MED15: variants seen among roughly 807,000 people sequenced by gnomAD.
The protein encoded by MED15 is mediator of RNA polymerase II transcription subunit 15.
Under a neutral mutation model 118.7 loss-of-function variants are expected in MED15, and 41 were observed. The ratio of observed to expected loss-of-function variants is 0.35; its 90% CI spans 0.27 to 0.45. The LOEUF (loss-of-function observed/expected upper bound fraction) is 0.45, where lower values mean the gene tolerates loss of function less well. MED15 is among the 20% of genes least tolerant of loss of function. The probability of loss-of-function intolerance (pLI) is 1.00; values close to 1 mark genes in which losing one functional copy is unlikely to be tolerated. For missense variants in MED15, 740 were observed against 1,025.5 expected (o/e 0.72, Z 3.80); for synonymous variants, 436 against 413.9 (o/e 1.05, Z -0.65).
At chr22:20,556,414 G>T (rs1261944382) in intron 5 of MED15, among the ~76,000 whole-genome samples, 2 of 150,932 alleles carry the variant, frequency 1.3e-5, no homozygotes, top group Non-Finnish European at 2.9e-5. Flanking sequence ...CAGTTCTCTT[G>T]CCTCAGCCTC....
intron 8 of MED15, among the ~76,000 whole-genome samples, chr22:20,573,377 A>C (rs563651058): frequency 3.3e-5 from 5 of 152,356 alleles, no homozygotes; most frequent in Non-Finnish European, 5.9e-5. Flanking sequence ...TATCCAAGAC[A>C]GACTCCCATT....
Position 20,507,765 on chromosome 22 carries a change from AGGGGGCT to A in MED15, c.68+22_68+28del, listed in dbSNP as rs1410598815. 1 of 1,613,824 alleles carries A rather than the reference AGGGGGCT, an allele frequency of 6.2e-7. No individual in the cohort carries two copies. The highest frequency in any genetic ancestry group is 1.1e-5 in the South Asian group (1 of 91,082). On this transcript the variant is annotated intron_variant, in intron 1 of 17. Coordinates refer to ENST00000263205, the MANE Select transcript of MED15 (RefSeq NM_001003891.3). ...GTCAAATGTGAGTAGTGGTCGGGGC[AGGGGGCT>A]GGATTGTGGGACCTTCCTCCTTAGC... is the stretch of plus-strand genomic sequence containing the variant.
chr22:20,584,828 T>G, intron 14 of MED15, 27 bp from the exon 15 acceptor site: 1 of 1,609,106 alleles, frequency 6.2e-7, no homozygotes, highest in Non-Finnish European at 8.5e-7. Context: ...GGTCCCGGGC[T>G]GCTGACCGTG....
intron 8 of MED15, among the ~76,000 whole-genome samples, chr22:20,573,320 C>A (rs2056725882): frequency 6.6e-6 from 1 of 152,196 alleles, no homozygotes; most frequent in Non-Finnish European, 1.5e-5. Flanking sequence ...ACGTTCTATT[C>A]TTTTAGTATG....
intron 2 of MED15, among the ~76,000 whole-genome samples, chr22:20,539,805 A>G (rs911827691): frequency 6.6e-6 from 1 of 152,132 alleles, no homozygotes; most frequent in Non-Finnish European, 1.5e-5. Flanking sequence ...TTTGATCTGC[A>G]TTTGCCTAGT....
intron 4 of MED15, 103 bp from the exon 5 acceptor site, chr22:20,554,833 C>T (rs763012940): frequency 1.1e-4 from 130 of 1,159,076 alleles, no homozygotes; most frequent in Non-Finnish European, 1.5e-4. Flanking sequence ...GGGATTGAGC[C>T]TGTAGGTAGG....
Position 20,523,314 on chromosome 22 carries a change from A to G in MED15, c.69-13803A>G, listed in dbSNP as rs191068012. Among the ~76,000 whole-genome samples the G allele has an allele frequency of 6.2e-3, 949 of 152,054 alleles. 10 individuals carry two copies. Among genetic ancestry groups the G allele is most frequent in the African/African-American group, 0.021 (886 of 41,446 alleles). ...TCACATGAGGTGTGGATCATGCACA[A>G]TCATCCCACGGGCTTGAGATAAGCA... is the stretch of plus-strand genomic sequence containing the variant. On this transcript the variant is annotated intron_variant, in intron 1 of 17. Coordinates refer to ENST00000263205, the MANE Select transcript of MED15 (RefSeq NM_001003891.3).
intron 1 of MED15, among the ~76,000 whole-genome samples, chr22:20,524,866 G>A (rs1317972460): frequency 6.6e-6 from 1 of 152,102 alleles, no homozygotes. Context: ...GCCTGCCTTG[G>A]CCTCCCAAAG....
At position 20,585,088 on chromosome 22, in the gene MED15, G is replaced by A. The variant is rs904342268; in HGVS notation, c.1965-13G>A. ...CGCGTGTGCCAGGTGTGGTCACCAT[G>A]CCGCCTCCCCAGGGCCCCAGTGGTG... is the stretch of plus-strand genomic sequence containing the variant. On this transcript the variant is annotated splice_polypyrimidine_tract_variant and intron_variant, in intron 15 of 17. Coordinates refer to ENST00000263205, the MANE Select transcript of MED15 (RefSeq NM_001003891.3). The A allele has an allele frequency of 1.1e-5, 18 of 1,613,312 alleles. No homozygotes were observed. The highest frequency in any genetic ancestry group is 1.4e-5 in the Non-Finnish European group (17 of 1,179,792).
At chr22:20,508,992 A>C (rs1331664390) in intron 1 of MED15, among the ~76,000 whole-genome samples, 4 of 152,168 alleles carry the variant, frequency 2.6e-5, no homozygotes, top group Non-Finnish European at 4.4e-5. Context: ...GGTTAACTTG[A>C]GCAGACCAGG....
chr22:20,565,496 C>T (rs2056402207), intron 6 of MED15, among the ~76,000 whole-genome samples: 1 of 152,194 alleles, frequency 6.6e-6, no homozygotes, highest in Non-Finnish European at 1.5e-5. Flanking sequence ...GTTCAGCTTC[C>T]CATGGTTTCC....
At chr22:20,567,859 C>G (rs546700775) in intron 7 of MED15, among the ~76,000 whole-genome samples, 5 of 152,136 alleles carry the variant, frequency 3.3e-5, no homozygotes, top group Non-Finnish European at 7.4e-5. Context: ...GTTTGCCCCC[C>G]ACCCCCACTT....
intron 1 of MED15, among the ~76,000 whole-genome samples, chr22:20,512,227 G>A (rs1032765523): frequency 2.0e-5 from 3 of 151,908 alleles, no homozygotes; most frequent in African/African-American, 4.8e-5. Context: ...GGGTTCAGAT[G>A]ATCCTCCCTA....
At chr22:20,529,737 T>C (rs1459203739) in intron 1 of MED15, among the ~76,000 whole-genome samples, 1 of 152,164 alleles carries the variant, frequency 6.6e-6, no homozygotes, top group Non-Finnish European at 1.5e-5. Flanking sequence ...GTAGCTGGGA[T>C]TGCAGCGCCC....
chr22:20,565,337 G>C (rs534425594), intron 6 of MED15, among the ~76,000 whole-genome samples: 3 of 152,298 alleles, frequency 2.0e-5, no homozygotes, highest in African/African-American at 7.2e-5. Flanking sequence ...GGGACTACTT[G>C]AGCCATTGTG....
At chr22:20,546,524 T>TTTG (rs397947424) in intron 2 of MED15, among the ~76,000 whole-genome samples, 1 of 150,218 alleles carries the variant, frequency 6.7e-6, no homozygotes, top group Non-Finnish European at 1.5e-5. Context: ...TTTTTTTTTT[T>TTTG]GTCAAGAAAG....
intron 1 of MED15, among the ~76,000 whole-genome samples, chr22:20,509,780 G>C (rs1026943969): frequency 6.6e-6 from 1 of 152,134 alleles, no homozygotes; most frequent in Non-Finnish European, 1.5e-5. Flanking sequence ...TTATCTGTAG[G>C]TGAAAACTTG....
intron 16 of MED15, 47 bp from the exon 17 acceptor site, chr22:20,585,681 C>A: frequency 6.4e-7 from 1 of 1,567,120 alleles, no homozygotes; most frequent in Non-Finnish European, 8.8e-7. Flanking sequence ...TGAGGCAGGG[C>A]AGGCCGGGGC....
chr22:20,507,788 C>T (rs1569158540), intron 1 of MED15, 42 bp downstream of exon 1: 3 of 1,612,908 alleles, frequency 1.9e-6, no homozygotes, highest in Non-Finnish European at 2.5e-6. Context: ...GTGGGACCTT[C>T]CTCCTTAGCG....
Sources: gnomAD v4.1 joint callset for allele counts (sites outside exome capture counted in the v4.1 genomes callset) on GRCh38, gnomAD v4.1.1 for gene constraint, MANE v1.5 for transcripts, NCBI Gene and HGNC (gene_info 2026-07-23, HGNC 2026-07-21) for gene names.